The following CEP162 variants were observed in gnomAD, a reference collection of about 807,000 sequenced individuals.
The protein encoded by CEP162 is centrosomal protein 162.
In CEP162, 141 loss-of-function variants were observed where a neutral mutation model predicts 169.2. That is an observed-to-expected ratio of 0.83 (90% CI 0.73 to 0.96). CEP162 has a LOEUF of 0.96. CEP162 is among the 40% of genes least tolerant of loss of function. The pLI is 0.00. For synonymous variants in CEP162, 540 were observed against 526.4 expected, an observed-to-expected ratio of 1.03 and a Z score of -0.35; for missense variants, 1,600 against 1,587.2, an observed-to-expected ratio of 1.01 and a Z score of -0.14.
chr6:84,215,730 C>T (rs950513326), intron 4 of CEP162, 46 bp downstream of exon 4: 3 of 1,534,976 alleles, frequency 2.0e-6, no homozygotes, highest in Non-Finnish European at 2.6e-6. Flanking sequence ...TGAATATAAG[C>T]ATAACAATTA....
intron 2 of CEP162, among the ~76,000 whole-genome samples, chr6:84,222,421 C>T (rs968203908): frequency 6.6e-6 from 1 of 152,236 alleles, no homozygotes; most frequent in African/African-American, 2.4e-5. Context: ...ATTTAACAGA[C>T]TTTTCCAGGA....
rs1462481687 is a variant in CEP162, at chr6:84,124,367, A to C, written c.*703T>G. 3 of 152,130 alleles carry C rather than the reference A, an allele frequency of 2.0e-5. No individual in the cohort carries two copies. The highest frequency in any genetic ancestry group is 2.9e-5 in the Non-Finnish European group (2 of 68,052). 9.4% of individuals were successfully genotyped at this position (152,130 alleles called of 1,614,324 possible). ...AAACGTGAGATATATATAGAGAGAG[A>C]TATATAAATGGAGTATTATGCAACT... On this transcript the variant is annotated 3_prime_UTR_variant, in exon 27 of 27. Transcript: ENST00000403245.
At chr6:84,210,656 G>T (rs2099549085) in intron 6 of CEP162, among the ~76,000 whole-genome samples, 1 of 152,158 alleles carries the variant, frequency 6.6e-6, no homozygotes, top group Non-Finnish European at 1.5e-5. Flanking sequence ...CCAGAAATCT[G>T]CATAGGGTGC....
Position 84,169,365 on chromosome 6 carries a change from T to A in CEP162, c.2348A>T (p.Asn783Ile), listed in dbSNP as rs1312705222. Residue 783 changes from asparagine to isoleucine, a missense_variant, in exon 18 of 27, where the codon AAT (asparagine) becomes ATT (isoleucine). Physicochemically the swap from Asn to Ile is moderately radical, Grantham distance 149. Coordinates refer to ENST00000403245, the MANE Select transcript of CEP162 (RefSeq NM_014895.4). ...VEDSEPTRNQNFTDLLAELRM... is the reference protein window; with the variant it reads ...VEDSEPTRNQIFTDLLAELRM... Reference sequence around the variant, plus strand: ...TAGTTCTGCTAACAGATCTGTAAAATTCTGATTTCTTGTGGGCTCTGAATC... The same window carrying A: ...TAGTTCTGCTAACAGATCTGTAAAAATCTGATTTCTTGTGGGCTCTGAATC... 3 of 1,583,652 alleles carry A rather than the reference T, an allele frequency of 1.9e-6. No individual in the cohort carries two copies. The highest frequency in any genetic ancestry group is 2.6e-6 in the Non-Finnish European group (3 of 1,163,828).
intron 13 of CEP162, among the ~76,000 whole-genome samples, chr6:84,181,410 C>G (rs1357846360): frequency 6.6e-6 from 1 of 152,158 alleles, no homozygotes; most frequent in Non-Finnish European, 1.5e-5. Flanking sequence ...TAGAAGAAAA[C>G]CTAGGCAATA....
At chr6:84,222,365 C>T (rs1423596352) in intron 2 of CEP162, among the ~76,000 whole-genome samples, 1 of 152,232 alleles carries the variant, frequency 6.6e-6, no homozygotes, top group African/African-American at 2.4e-5. Flanking sequence ...AGATCTGTGG[C>T]TACTCCCCTC....
At chr6:84,128,681 T>C (rs1450562821) in intron 25 of CEP162, among the ~76,000 whole-genome samples, 1 of 152,114 alleles carries the variant, frequency 6.6e-6, no homozygotes, top group African/African-American at 2.4e-5. Context: ...GCACAGTTCC[T>C]AGTAAACATT....
intron 25 of CEP162, among the ~76,000 whole-genome samples, chr6:84,136,321 A>G (rs2099514033): frequency 6.6e-6 from 1 of 152,208 alleles, no homozygotes; most frequent in African/African-American, 2.4e-5. Context: ...GGACAGTCCA[A>G]ATGCATGGCA....
chr6:84,201,498 C>T (rs973136434), intron 8 of CEP162, among the ~76,000 whole-genome samples: 4 of 151,960 alleles, frequency 2.6e-5, no homozygotes, highest in Non-Finnish European at 5.9e-5. Flanking sequence ...TGCTTATGAA[C>T]AGCCTAGTAT....
At chr6:84,151,605 G>A (rs1424268313) in intron 23 of CEP162, among the ~76,000 whole-genome samples, 1 of 152,084 alleles carries the variant, frequency 6.6e-6, no homozygotes, top group African/African-American at 2.4e-5. Context: ...CGTAAGAATG[G>A]GTAAGTTTAG....
At chr6:84,190,109 T>C (rs919374690) in intron 11 of CEP162, among the ~76,000 whole-genome samples, 4 of 150,646 alleles carry the variant, frequency 2.7e-5, no homozygotes, top group Non-Finnish European at 5.9e-5. Context: ...TATATCTAGC[T>C]CAGGGATTGT....
At chr6:84,208,519 G>T (rs1037524952) in intron 6 of CEP162, among the ~76,000 whole-genome samples, 1 of 152,176 alleles carries the variant, frequency 6.6e-6, no homozygotes, top group Non-Finnish European at 1.5e-5. Context: ...AGACGAAGAC[G>T]ACAACTTGTG....
At chr6:84,133,818 G>A (rs776364158) in intron 25 of CEP162, among the ~76,000 whole-genome samples, 6 of 152,202 alleles carry the variant, frequency 3.9e-5, no homozygotes, top group African/African-American at 9.6e-5. Context: ...CTTCCTGGGT[G>A]AGGTGATGCC....
chr6:84,189,637 T>C (rs996629564), intron 11 of CEP162, among the ~76,000 whole-genome samples: 2 of 152,218 alleles, frequency 1.3e-5, no homozygotes, highest in African/African-American at 4.8e-5. Context: ...CAGCCCGCCA[T>C]GCCTGAGCCT....
intron 7 of CEP162, among the ~76,000 whole-genome samples, chr6:84,202,064 C>A (rs1246452639): frequency 6.6e-6 from 1 of 152,210 alleles, no homozygotes; most frequent in Non-Finnish European, 1.5e-5. Flanking sequence ...ATCTACCTTG[C>A]TCAAGAATTC....
chr6:84,203,840 CTGAG>C (rs1215639872), intron 7 of CEP162, 137 bp downstream of exon 7: 5 of 421,274 alleles, frequency 1.2e-5, no homozygotes, highest in Non-Finnish European at 2.1e-5. Context: ...AAATGTTTAA[CTGAG>C]TATTAGGAGA....
rs1244482541 is a variant in CEP162, at chr6:84,125,280, C to A, written c.4006-4G>T. The A allele has an allele frequency of 2.5e-6, 4 of 1,611,914 alleles. No homozygotes were observed. The highest frequency in any genetic ancestry group is 2.5e-6 in the Non-Finnish European group (3 of 1,178,722). On this transcript the variant is annotated splice_region_variant and splice_polypyrimidine_tract_variant and intron_variant, in intron 26 of 26. Coordinates refer to ENST00000403245, the MANE Select transcript of CEP162 (RefSeq NM_014895.4). ...CTTGGTGTGTTTGCTGTATTATCTG[C>A]AAATACAAAAATTCCACATTGCTGT...
intron 21 of CEP162, among the ~76,000 whole-genome samples, chr6:84,156,445 G>A (rs2099523200): frequency 6.6e-6 from 1 of 151,968 alleles, no homozygotes; most frequent in Non-Finnish European, 1.5e-5. Context: ...AGACATACAA[G>A]TGGCCAAAAA....
intron 6 of CEP162, among the ~76,000 whole-genome samples, chr6:84,207,051 C>T (rs374968823): frequency 1.3e-5 from 2 of 152,266 alleles, no homozygotes; most frequent in East Asian, 3.9e-4. Flanking sequence ...GAATGGCAAT[C>T]ATTAAAAAGT....
Sources: gnomAD v4.1 joint callset for allele counts (sites outside exome capture counted in the v4.1 genomes callset) on GRCh38, gnomAD v4.1.1 for gene constraint, MANE v1.5 for transcripts, NCBI Gene and HGNC (gene_info 2026-07-23, HGNC 2026-07-21) for gene names.